Variants in COG6 observed in about 807,000 individuals in gnomAD.
The protein encoded by COG6 is component of oligomeric golgi complex 6.
A neutral mutation model predicts 88.8 loss-of-function variants in COG6; 74 were observed. That is an observed-to-expected ratio of 0.83 (90% confidence interval 0.69 to 1.01). The LOEUF (loss-of-function observed/expected upper bound fraction) is 1.01, where lower values mean the gene tolerates loss of function less well. COG6 is among the 50% of genes least tolerant of loss of function. The pLI, the probability that COG6 is intolerant of heterozygous loss-of-function variation, is 0.00. For missense variants in COG6, 800 were observed against 797.9 expected, an observed-to-expected ratio of 1.00 and a Z score of -0.03; for synonymous variants, 286 against 278.7, an observed-to-expected ratio of 1.03 and a Z score of -0.26.
intron 13 of COG6, among the ~76,000 whole-genome samples, chr13:39,701,702 A>G (rs972277109): frequency 6.6e-6 from 1 of 151,960 alleles, no homozygotes; most frequent in Non-Finnish European, 1.5e-5. Context: ...GGTGACCTAA[A>G]TGGGCAATTT....
chr13:39,699,551 T>C lies in COG6; in HGVS notation c.1217T>C (p.Met406Thr). 2 of 1,598,886 alleles carry C rather than the reference T, an allele frequency of 1.3e-6. No homozygotes were observed. Among genetic ancestry groups the C allele is most frequent in the Non-Finnish European group, 8.6e-7 (1 of 1,167,160 alleles). Residue 406 changes from methionine to threonine, a missense_variant, in exon 13 of 19, where the codon ATG becomes ACG. Coordinates refer to ENST00000455146, the MANE Select transcript of COG6 (RefSeq NM_020751.3). ...GCATTATTGACTACCATTGAAGAAATGCATTTGCTAAGCAAAAAAATATTC... is the reference window on the plus strand; with the variant it reads ...GCATTATTGACTACCATTGAAGAAACGCATTTGCTAAGCAAAAAAATATTC... ...ATALLTTIEE[M>T]HLLSKKIFFN...
chr13:39,671,637 T>A (rs1875650661), intron 4 of COG6, among the ~76,000 whole-genome samples: 1 of 151,986 alleles, frequency 6.6e-6, no homozygotes, highest in South Asian at 2.1e-4. Flanking sequence ...AATTTTAGGC[T>A]ATCATGTATG....
exon 19 of COG6, chr13:39,791,390 T>A (rs532075371): frequency 1.3e-5 from 2 of 152,208 alleles, no homozygotes; most frequent in African/African-American, 4.8e-5. Flanking sequence ...TAATATCGAA[T>A]GATCTAGGCA....
chr13:39,655,792 T>C lies in COG6; in HGVS notation c.66T>C (p.Asn22=). The change falls in exon 1 of 19, where the codon AAT becomes AAC. Residue 22 remains asparagine, a synonymous_variant. Coordinates refer to ENST00000455146, the MANE Select transcript of COG6 (RefSeq NM_020751.3). The stretch of plus-strand genomic sequence containing the variant: ...CCGGGGCTGCCAACGGCCTCAACAA[T>C]GGGGCAGGCGGGACCTCGGCGACGA... ...SATGAANGLN[N]GAGGTSATTC... 1 of 1,598,584 alleles carries C rather than the reference T, an allele frequency of 6.3e-7. No individual in the cohort carries two copies. The highest frequency in any genetic ancestry group is 8.5e-7 in the Non-Finnish European group (1 of 1,173,026).
intron 13 of COG6, among the ~76,000 whole-genome samples, chr13:39,703,034 A>ATTCAATTT (rs1877669997): frequency 1.3e-5 from 2 of 152,092 alleles, no homozygotes; most frequent in Non-Finnish European, 2.9e-5. Flanking sequence ...CCTTGAGTTA[A>ATTCAATTT]TTCAATTTTT....
rs181197593 is a variant in COG6 at position 39,717,868 on chromosome 13, A to G, written c.1285-1368A>G. Among the ~76,000 whole-genome samples, 18 of 152,270 alleles carry G rather than the reference A, an allele frequency of 1.2e-4. No homozygotes were observed. In the East Asian group the frequency reaches 1.5e-3, roughly 13 times the overall value. On this transcript the variant is annotated intron_variant, in intron 13 of 18. Transcript: ENST00000455146. ...AAAGACCCTGTCAAAAACAAAAAAC[A>G]AAAACAAAAACAAAACCCTATAGTT...
chr13:39,751,005 C>T lies in COG6; in HGVS notation c.1886C>T (p.Ala629Val), dbSNP rs1464679947. ...LVCRAYGEVY[A>V]AVMNPINEYK... is the part of the protein sequence containing the mutation. Reference sequence around the variant, plus strand: ...TGCAGAGCCTATGGTGAAGTGTATGCAGCCGTGATGAATCCAATCAATGAA... The same window carrying T: ...TGCAGAGCCTATGGTGAAGTGTATGTAGCCGTGATGAATCCAATCAATGAA... Residue 629 changes from alanine (A) to valine (V), a missense_variant, in exon 19 of 19, where the codon GCA (alanine) becomes GTA (valine). By Grantham distance (64) the Ala-to-Val change is moderately conservative. Transcript: ENST00000455146. 3.7e-6 allele frequency: 6 copies of T among 1,613,508 alleles called. No homozygotes were observed. In the African/African-American group the frequency reaches 6.7e-5, roughly 18 times the overall value.
chr13:39,665,784 A>G (rs889905121), intron 4 of COG6, among the ~76,000 whole-genome samples: 1 of 152,206 alleles, frequency 6.6e-6, no homozygotes, highest in East Asian at 1.9e-4. Context: ...GTAGTTGGGT[A>G]CATCACTTAA....
At chr13:39,724,167 C>T (rs879703472) in intron 16 of COG6, among the ~76,000 whole-genome samples, 11 of 152,030 alleles carry the variant, frequency 7.2e-5, no homozygotes, top group Admixed American at 7.2e-4. Context: ...TACTGCCTTT[C>T]TGTACTTTCT....
At chr13:39,724,140 C>T (rs1879002007) in intron 16 of COG6, among the ~76,000 whole-genome samples, 1 of 152,004 alleles carries the variant, frequency 6.6e-6, no homozygotes, top group South Asian at 2.1e-4. Context: ...CAAATTTCTA[C>T]CAGTAGGAAC....
chr13:39,665,608 G>A (rs553041552), intron 4 of COG6, among the ~76,000 whole-genome samples: 64 of 152,312 alleles, frequency 4.2e-4, no homozygotes, highest in African/African-American at 1.4e-3. Context: ...GAGTGAGTGA[G>A]TGAATAAAGG....
intron 18 of COG6, among the ~76,000 whole-genome samples, chr13:39,732,560 G>C (rs1289219906): frequency 2.0e-5 from 3 of 152,186 alleles, no homozygotes; most frequent in Admixed American, 2.0e-4. Flanking sequence ...TTAGAGAATA[G>C]GGGATTTTAC....
chr13:39,707,703 T>TA (rs1566189150), intron 13 of COG6, among the ~76,000 whole-genome samples: 1 of 152,210 alleles, frequency 6.6e-6, no homozygotes, highest in Non-Finnish European at 1.5e-5. Context: ...ATCTGTAAGA[T>TA]TCATATATTT....
chr13:39,762,217 A>G (rs1226119171), intron 18 of COG6, among the ~76,000 whole-genome samples: 2 of 151,980 alleles, frequency 1.3e-5, no homozygotes, highest in Non-Finnish European at 2.9e-5. Context: ...TTGTGCCAAC[A>G]TGGATAACTT....
At chr13:39,655,947 T>A in intron 1 of COG6, 68 bp downstream of exon 1, 1 of 1,541,786 alleles carries the variant, frequency 6.5e-7, no homozygotes, top group Non-Finnish European at 8.8e-7. Context: ...GGGCGGCGTC[T>A]GTCAGGGACC....
intron 17 of COG6, among the ~76,000 whole-genome samples, chr13:39,725,597 TA>T (rs1323638912): frequency 6.6e-6 from 1 of 151,784 alleles, no homozygotes; most frequent in Non-Finnish European, 1.5e-5. Context: ...GATTATTAGA[TA>T]AAGTAGAATT....
intron 18 of COG6, among the ~76,000 whole-genome samples, chr13:39,787,562 T>C (rs1881812921): frequency 6.6e-6 from 1 of 152,168 alleles, no homozygotes; most frequent in Non-Finnish European, 1.5e-5. Context: ...TGTTTGCTGT[T>C]TTAATATGAT....
chr13:39,686,128 T>C (rs1207468389), intron 8 of COG6, among the ~76,000 whole-genome samples: 1 of 152,222 alleles, frequency 6.6e-6, no homozygotes, highest in East Asian at 1.9e-4. Flanking sequence ...ATATTAATTA[T>C]TTTGGGTATC....
In COG6 at chr13:39,719,285, C is replaced by T. The variant is rs1878713058; in HGVS notation, c.1334C>T (p.Thr445Ile). 1.9e-6 allele frequency: 3 copies of T among 1,612,822 alleles called. No homozygotes were observed. Among genetic ancestry groups the T allele is most frequent in the Non-Finnish European group, 2.5e-6 (3 of 1,179,120 alleles). Reference protein sequence around the residue: ...DLGPSSALNQTLMLLREVLAS... With the variant: ...DLGPSSALNQILMLLREVLAS... ...GGACCAAGTTCTGCACTAAATCAGA[C>T]ACTCATGTTGCTGCGTGAAGTTTTA... The change falls in exon 14 of 19, where the codon ACA (threonine) becomes ATA (isoleucine). Residue 445 changes from threonine to isoleucine, a missense_variant. By Grantham distance (89) the Thr-to-Ile change is moderately conservative (BLOSUM62 -1). Coordinates refer to ENST00000455146, the MANE Select transcript of COG6 (RefSeq NM_020751.3).
Sources: gnomAD v4.1 joint callset for allele counts (sites outside exome capture counted in the v4.1 genomes callset) on GRCh38, gnomAD v4.1.1 for gene constraint, MANE v1.5 for transcripts, NCBI Gene and HGNC (gene_info 2026-07-23, HGNC 2026-07-21) for gene names.